KIAA0513: variants seen among roughly 807,000 people sequenced by gnomAD.
The protein encoded by KIAA0513 is KIAA0513.
In KIAA0513, 39 loss-of-function variants were observed where a neutral mutation model predicts 56.5. The observed-to-expected ratio is 0.69, with a 90% CI of 0.53 to 0.90. KIAA0513 has a LOEUF of 0.90. KIAA0513 is among the 40% of genes least tolerant of loss of function. The probability of loss-of-function intolerance (pLI) is 0.00; values close to 1 mark genes in which losing one functional copy is unlikely to be tolerated. For missense variants in KIAA0513, 591 were observed against 535.2 expected (o/e 1.10, Z -1.03); for synonymous variants, 268 against 215.6 (o/e 1.24, Z -2.13).
chr16:85,031,325 TAAAC>T (rs2072961710), intron 1 of KIAA0513, among the ~76,000 whole-genome samples: 1 of 151,956 alleles, frequency 6.6e-6, no homozygotes, highest in Non-Finnish European at 1.5e-5. Flanking sequence ...TACCAAAAAA[TAAAC>T]AAAAATTAGC....
chr16:85,054,457 G>T (rs2073300242), intron 1 of KIAA0513, among the ~76,000 whole-genome samples: 3 of 132,828 alleles, frequency 2.3e-5, no homozygotes, highest in Admixed American at 1.7e-4. Flanking sequence ...TTGAGATGGA[G>T]TCTCACTCTG....
At chr16:85,028,829 A>T (rs2072924020) in intron 1 of KIAA0513, among the ~76,000 whole-genome samples, 1 of 152,138 alleles carries the variant, frequency 6.6e-6, no homozygotes. Flanking sequence ...CCTGACGTGG[A>T]AGTAGTGGCT....
chr16:85,038,075 G>A (rs1397844082), intron 1 of KIAA0513, among the ~76,000 whole-genome samples: 1 of 152,190 alleles, frequency 6.6e-6, no homozygotes, highest in African/African-American at 2.4e-5. Flanking sequence ...AACTTGGCCT[G>A]CAAGTCCCTG....
chr16:85,082,819 G>A (rs978295434), intron 10 of KIAA0513, among the ~76,000 whole-genome samples: 10 of 152,356 alleles, frequency 6.6e-5, no homozygotes, highest in Non-Finnish European at 1.0e-4. Context: ...TGCCAAGGCC[G>A]GAGCACTCCG....
At chr16:85,072,121 G>C (rs955985980) in intron 3 of KIAA0513, among the ~76,000 whole-genome samples, 1 of 152,178 alleles carries the variant, frequency 6.6e-6, no homozygotes, top group East Asian at 1.9e-4. Context: ...GGGAGGCCGA[G>C]GTGGGAGGAT....
chr16:85,066,319 C>T (rs771227623), intron 1 of KIAA0513, among the ~76,000 whole-genome samples: 16 of 152,100 alleles, frequency 1.1e-4, no homozygotes, highest in Non-Finnish European at 1.8e-4. Flanking sequence ...CGTTGTCCAG[C>T]GGGGCTGCAG....
At chr16:85,027,986 C>T (rs1279634521) in intron 1 of KIAA0513, 128 bp downstream of exon 1, 5 of 133,828 alleles carry the variant, frequency 3.7e-5, no homozygotes, top group Admixed American at 3.0e-4. Flanking sequence ...GGGCGAGGGG[C>T]GCGGGGAGGG....
Position 85,077,478 on chromosome 16 carries a change from G to A in KIAA0513, c.628G>A (p.Asp210Asn), listed in dbSNP as rs1475012478. Residue 210 changes from aspartate (D) to asparagine (N), a missense_variant, in exon 6 of 13, where the codon GAC becomes AAC. By Grantham distance (23) the Asp-to-Asn change is conservative. Coordinates refer to ENST00000683363, the MANE Select transcript of KIAA0513 (RefSeq NM_001388359.1). Reference protein sequence around the residue: ...ESREKPAGSIDSYLKSANSWL... With the variant: ...ESREKPAGSINSYLKSANSWL... ...CCGGGAGAAGCCCGCGGGCAGCATCGACTCCTACCTGAAATCCGCAAACAG... is the reference window on the plus strand; with the variant it reads ...CCGGGAGAAGCCCGCGGGCAGCATCAACTCCTACCTGAAATCCGCAAACAG... 6 of 1,613,996 alleles carry A rather than the reference G, an allele frequency of 3.7e-6. No homozygotes were observed. The highest frequency in any genetic ancestry group is 1.3e-5 in the African/African-American group (1 of 74,922).
chr16:85,087,222 G>GCGGGCACAGCAC, intron 12 of KIAA0513, 56 bp downstream of exon 12: 1 of 1,408,170 alleles, frequency 7.1e-7, no homozygotes, highest in South Asian at 1.2e-5. Flanking sequence ...TCAGGAGCCA[G>GCGGGCACAGCAC]TGCTGTGCCC....
intron 2 of KIAA0513, among the ~76,000 whole-genome samples, chr16:85,068,850 A>T (rs2073529982): frequency 6.6e-6 from 1 of 152,114 alleles, no homozygotes; most frequent in Non-Finnish European, 1.5e-5. Flanking sequence ...CATTGTTGCT[A>T]AACACAAGGG....
chr16:85,087,171 G>A lies in KIAA0513; in HGVS notation c.1186+5G>A, dbSNP rs765259498. The A allele has an allele frequency of 2.0e-5, 33 of 1,611,818 alleles. No individual in the cohort carries two copies. Among genetic ancestry groups the A allele is most frequent in the South Asian group, 1.3e-4 (12 of 91,042 alleles). ...TGATTGGCAACCTGGATGAAGGTGC[G>A]TCTGGGGGAGGCTGCTGGCAGGAGG... On this transcript the variant is annotated splice_donor_5th_base_variant and intron_variant, in intron 12 of 12. Transcript: ENST00000683363.
chr16:85,030,101 C>G (rs1221589638), intron 1 of KIAA0513, among the ~76,000 whole-genome samples: 1 of 152,218 alleles, frequency 6.6e-6, no homozygotes, highest in Non-Finnish European at 1.5e-5. Flanking sequence ...CACCACCTCC[C>G]CGGCTTACCG....
chr16:85,071,297 G>T (rs1382792828), intron 2 of KIAA0513, among the ~76,000 whole-genome samples: 1 of 152,216 alleles, frequency 6.6e-6, no homozygotes, highest in Admixed American at 6.5e-5. Flanking sequence ...CGTGGGAGGT[G>T]ATTTTCTTCT....
chr16:85,040,981 A>C (rs1377605426), intron 1 of KIAA0513, among the ~76,000 whole-genome samples: 1 of 152,212 alleles, frequency 6.6e-6, no homozygotes, highest in East Asian at 1.9e-4. Context: ...GCTCCTCAAA[A>C]ATGCATTTGC....
rs546858806 is a variant in KIAA0513 at position 85,066,991 on chromosome 16, C to G, written c.-81C>G. On this transcript the variant is annotated 5_prime_UTR_variant, in exon 2 of 13. Coordinates refer to ENST00000683363, the MANE Select transcript of KIAA0513 (RefSeq NM_001388359.1). ...TGTGAGCTTGGTGGGCTCCTACTAA[C>G]GCACCTGGGACACCAGGCTGCTGGG... The G allele has an allele frequency of 1.3e-4, 172 of 1,296,056 alleles. No homozygotes were observed. In the African/African-American group the frequency reaches 2.4e-3, roughly 18 times the overall value. 80.3% of individuals were successfully genotyped at this position (1,296,056 alleles called of 1,614,324 possible).
intron 1 of KIAA0513, among the ~76,000 whole-genome samples, chr16:85,040,726 C>G (rs552737834): frequency 6.6e-6 from 1 of 152,136 alleles, no homozygotes; most frequent in Admixed American, 6.6e-5. Context: ...AAAGCACAGA[C>G]TAAATGGGAG....
intron 4 of KIAA0513, among the ~76,000 whole-genome samples, chr16:85,074,912 T>C (rs1205698452): frequency 6.6e-6 from 1 of 152,058 alleles, no homozygotes; most frequent in Non-Finnish European, 1.5e-5. Context: ...AATTCTCCAT[T>C]TTCCTTTGAG....
chr16:85,066,948 C>T lies in KIAA0513; in HGVS notation c.-124C>T, dbSNP rs2073490969. On this transcript the variant is annotated 5_prime_UTR_variant, in exon 2 of 13. Transcript: ENST00000683363. ...CTGTGAAGGACTCATTCTTGGTAGC[C>T]GGCAGTTACTGGCAACTTGTGAGCT... 8.2e-6 allele frequency: 6 copies of T among 730,576 alleles called. No homozygotes were observed. The highest frequency in any genetic ancestry group is 3.6e-5 in the African/African-American group (2 of 56,164). The allele number at this position is 730,576 out of a possible 1,614,324, so 45.3% of individuals were successfully genotyped here.
rs535061935 is a variant in KIAA0513, at chr16:85,088,930, C to G, written c.*605C>G. 3 of 153,094 alleles carry G rather than the reference C, an allele frequency of 2.0e-5. No homozygotes were observed. The highest frequency in any genetic ancestry group is 4.4e-5 in the Non-Finnish European group (3 of 68,666). 9.5% of individuals were successfully genotyped at this position (153,094 alleles called of 1,614,324 possible). On this transcript the variant is annotated 3_prime_UTR_variant, in exon 13 of 13. Transcript: ENST00000683363. ...GCCTGTGTTAGGGAGAGAGTGGGTG[C>G]GGTGTAGAGGATGCTCTTGGCCGGC...
Sources: allele counts gnomAD v4.1 joint callset (sites outside exome capture counted in the v4.1 genomes callset), GRCh38; gene constraint gnomAD v4.1.1; transcripts MANE v1.5; gene names NCBI Gene and HGNC (gene_info 2026-07-23, HGNC 2026-07-21).